The following RAB3C variants were observed in gnomAD, a reference collection of about 807,000 sequenced individuals.
The protein encoded by RAB3C is RAB3C, member RAS oncogene family, also known as ras-related protein Rab-3C.
In RAB3C, 17 loss-of-function variants were observed where a neutral mutation model predicts 26.4. That is an observed-to-expected ratio of 0.64 (90% CI 0.44 to 0.97). RAB3C has a LOEUF of 0.97. Ranked by LOEUF, RAB3C falls within the 50% of genes least tolerant of loss-of-function variation. RAB3C has a pLI of 0.00. For synonymous variants in RAB3C, 91 were observed against 95.9 expected (o/e 0.95, Z 0.30); for missense variants, 242 against 281.9 (o/e 0.86, Z 1.01).
chr5:58,764,040 TA>T (rs1185700810), intron 3 of RAB3C, among the ~76,000 whole-genome samples: 1 of 152,160 alleles, frequency 6.6e-6, no homozygotes, highest in African/African-American at 2.4e-5. Context: ...CTTTAAAAAA[TA>T]GAAGAAAAAC....
chr5:58,792,187 T>G (rs1355785885), intron 3 of RAB3C, among the ~76,000 whole-genome samples: 1 of 152,230 alleles, frequency 6.6e-6, no homozygotes, highest in African/African-American at 2.4e-5. Context: ...CACCAGAGCT[T>G]ATTATAATAA....
At chr5:58,683,743 A>T (rs1012415664) in intron 2 of RAB3C, among the ~76,000 whole-genome samples, 1 of 152,204 alleles carries the variant, frequency 6.6e-6, no homozygotes, top group East Asian at 1.9e-4. Context: ...CTAGGACATG[A>T]GTCATCCCTT....
chr5:58,621,540 T>A (rs1746937955), intron 2 of RAB3C, among the ~76,000 whole-genome samples: 1 of 152,114 alleles, frequency 6.6e-6, no homozygotes, highest in African/African-American at 2.4e-5. Context: ...TAGAAAAAAA[T>A]CAAACTTGAG....
chr5:58,703,213 G>C (rs1171041791), intron 2 of RAB3C, among the ~76,000 whole-genome samples: 1 of 151,900 alleles, frequency 6.6e-6, no homozygotes, highest in Non-Finnish European at 1.5e-5. Flanking sequence ...ACGGAATTTC[G>C]TTCTTGTTGC....
intron 2 of RAB3C, among the ~76,000 whole-genome samples, chr5:58,643,722 T>A (rs1038267849): frequency 6.6e-6 from 1 of 152,232 alleles, no homozygotes; most frequent in South Asian, 2.1e-4. Context: ...TGTTACCAAG[T>A]CAGAAAGCTC....
chr5:58,649,442 G>A (rs149114376), intron 2 of RAB3C, among the ~76,000 whole-genome samples: 32 of 151,924 alleles, frequency 2.1e-4, no homozygotes, highest in African/African-American at 6.3e-4. Flanking sequence ...CTGATGATTG[G>A]TACCTTCCTG....
chr5:58,734,873 C>T (rs1741101583), intron 3 of RAB3C, among the ~76,000 whole-genome samples: 1 of 152,218 alleles, frequency 6.6e-6, no homozygotes, highest in Admixed American at 6.5e-5. Context: ...TTAGCAAATA[C>T]TGAATTATTG....
At chr5:58,830,228 A>C (rs1460325870) in intron 4 of RAB3C, among the ~76,000 whole-genome samples, 5 of 152,230 alleles carry the variant, frequency 3.3e-5, no homozygotes, top group African/African-American at 1.2e-4. Flanking sequence ...TACATTTAAG[A>C]CAAATGAAAA....
At position 58,780,203 on chromosome 5, in the gene RAB3C, G is replaced by A. The variant is rs114397236; in HGVS notation, c.372-44835G>A. On this transcript the variant is annotated intron_variant, in intron 3 of 4. Transcript: ENST00000282878. ...AAATAGCAAGGCCTGTATTGGTAAGGCCTGTAGACTCCAAAAAGATGAGAC... is the reference window on the plus strand; with the variant it reads ...AAATAGCAAGGCCTGTATTGGTAAGACCTGTAGACTCCAAAAAGATGAGAC... Among the ~76,000 whole-genome samples, 1,212 of 152,186 alleles carry A rather than the reference G, an allele frequency of 8.0e-3. 8 individuals carry two copies. The highest frequency in any genetic ancestry group is 0.017 in the Admixed American group (254 of 15,278).
intron 2 of RAB3C, among the ~76,000 whole-genome samples, chr5:58,712,539 T>C (rs293019): frequency 0.49 from 73,755 of 152,010 alleles, 19,344 homozygotes; most frequent in Non-Finnish European, 0.6. Flanking sequence ...GATTTTTTTT[T>C]CTCGAGACAG....
intron 3 of RAB3C, among the ~76,000 whole-genome samples, chr5:58,737,417 A>G (rs1741169113): frequency 2.3e-5 from 2 of 87,618 alleles, no homozygotes; most frequent in Non-Finnish European, 4.3e-5. Flanking sequence ...ATATATATAT[A>G]TATATATATA....
At chr5:58,842,299 T>C (rs1370465495) in intron 4 of RAB3C, among the ~76,000 whole-genome samples, 6 of 152,238 alleles carry the variant, frequency 3.9e-5, no homozygotes, top group African/African-American at 9.6e-5. Flanking sequence ...AAATCGTTTG[T>C]TCATCCTATC....
chr5:58,852,862 T>G lies in RAB3C; in HGVS notation c.*1511T>G, dbSNP rs1464104578. On this transcript the variant is annotated 3_prime_UTR_variant, in exon 5 of 5. Coordinates refer to ENST00000282878, the MANE Select transcript of RAB3C (RefSeq NM_138453.4). The stretch of plus-strand genomic sequence containing the variant: ...TTTTGGTGGTTATGTCAAAGAATTT[T>G]TTTCCTCTTCTCAAAAATAGAGAGG... 9.6e-6 allele frequency: 1 copy of G among 104,494 alleles called. No individual in the cohort carries two copies. Among genetic ancestry groups the G allele is most frequent in the Admixed American group, 9.7e-5 (1 of 10,292 alleles). The allele number at this position is 104,494 out of a possible 1,614,324, so 6.5% of individuals were successfully genotyped here.
intron 3 of RAB3C, among the ~76,000 whole-genome samples, chr5:58,781,375 G>A (rs1742265988): frequency 6.6e-6 from 1 of 151,774 alleles, no homozygotes; most frequent in African/African-American, 2.4e-5. Context: ...CTTCTAATTT[G>A]GCTTCTGTAT....
chr5:58,752,677 C>A (rs1303590231), intron 3 of RAB3C, among the ~76,000 whole-genome samples: 1 of 151,928 alleles, frequency 6.6e-6, no homozygotes, highest in Non-Finnish European at 1.5e-5. Flanking sequence ...AAGTGAAGTA[C>A]CAAATAAATA....
intron 3 of RAB3C, among the ~76,000 whole-genome samples, chr5:58,777,042 C>T (rs948741615): frequency 3.3e-5 from 5 of 152,164 alleles, no homozygotes; most frequent in African/African-American, 9.7e-5. Context: ...CTCAGCTATG[C>T]TACTGAGTCT....
At chr5:58,727,989 C>G (rs1740927065) in intron 3 of RAB3C, among the ~76,000 whole-genome samples, 1 of 151,962 alleles carries the variant, frequency 6.6e-6, no homozygotes, top group Non-Finnish European at 1.5e-5. Flanking sequence ...CTTAAACTTT[C>G]CAACATTTGT....
intron 3 of RAB3C, among the ~76,000 whole-genome samples, chr5:58,807,097 T>A (rs564707251): frequency 1.6e-3 from 237 of 152,266 alleles, no homozygotes; most frequent in Non-Finnish European, 2.9e-3. Context: ...AAAATAAAAA[T>A]AACAAACAAG....
chr5:58,722,307 G>C (rs1438208771), intron 2 of RAB3C, among the ~76,000 whole-genome samples: 1 of 151,420 alleles, frequency 6.6e-6, no homozygotes, highest in Non-Finnish European at 1.5e-5. Context: ...TTGGTATACT[G>C]TTTGTTTTCC....
Sources: allele counts gnomAD v4.1 joint callset (sites outside exome capture counted in the v4.1 genomes callset), GRCh38; gene constraint gnomAD v4.1.1; transcripts MANE v1.5; gene names NCBI Gene and HGNC (gene_info 2026-07-23, HGNC 2026-07-21).